The following AQP8 variants were observed in gnomAD, a reference collection of about 807,000 sequenced individuals.
The protein encoded by AQP8 is aquaporin 8, also known as aquaporin-8.
Under a neutral mutation model 26.1 loss-of-function variants are expected in AQP8, and 14 were observed. The ratio of observed to expected loss-of-function variants is 0.54; its 90% CI spans 0.35 to 0.84. The LOEUF is 0.84. Among genes scored for constraint, AQP8 ranks in the 40% least tolerant of loss-of-function variants. AQP8 has a pLI of 0.01. For synonymous variants in AQP8, 131 were observed against 150.7 expected, an observed-to-expected ratio of 0.87 and a Z score of 0.96; for missense variants, 301 against 340.5, an observed-to-expected ratio of 0.88 and a Z score of 0.91.
chr16:25,218,649 G>A (rs1356146332), intron 2 of AQP8, among the ~76,000 whole-genome samples: 2 of 152,238 alleles, frequency 1.3e-5, no homozygotes, highest in African/African-American at 4.8e-5. Flanking sequence ...GGAGGCTGAG[G>A]CGGGTGGATC....
Position 25,226,830 on chromosome 16 carries a change from C to A in AQP8, c.603-238C>A, listed in dbSNP as rs530173469. ...TCACCCAGTAGGCATTTTTGCTGGG[C>A]ATTCTAGAGGAGTGTGTGGGGAGTG... On this transcript the variant is annotated intron_variant, in intron 4 of 5. Transcript: ENST00000219660. Among the ~76,000 whole-genome samples, 6 of 152,276 alleles carry A rather than the reference C, an allele frequency of 3.9e-5. No individual in the cohort carries two copies. In the South Asian group the frequency reaches 1.2e-3, roughly 32 times the overall value.
At position 25,228,529 on chromosome 16, in the gene AQP8, C is replaced by T; in HGVS notation, c.*37C>T. 6.2e-7 allele frequency: 1 copy of T among 1,609,294 alleles called. No homozygotes were observed. The highest frequency in any genetic ancestry group is 1.7e-4 in the Middle Eastern group (1 of 6,012). On this transcript the variant is annotated 3_prime_UTR_variant, in exon 6 of 6. Transcript: ENST00000219660. ...TGGGATTCCTGCTGCTCCAGGTGTC[C>T]TCAGCTCACCTGTCCCAGACTGAGG...
chr16:25,220,561 C>T (rs1169434989), intron 2 of AQP8, among the ~76,000 whole-genome samples: 1 of 152,186 alleles, frequency 6.6e-6, no homozygotes, highest in Non-Finnish European at 1.5e-5. Context: ...TTCCCTTCCA[C>T]ACCCCAAACT....
At chr16:25,225,734 C>A (rs1165305659) in intron 4 of AQP8, among the ~76,000 whole-genome samples, 1 of 151,990 alleles carries the variant, frequency 6.6e-6, no homozygotes, top group African/African-American at 2.4e-5. Flanking sequence ...GACTTCGAAG[C>A]TGGACACAGG....
intron 5 of AQP8, 53 bp from the exon 6 acceptor site, chr16:25,228,391 G>C: frequency 2.5e-6 from 4 of 1,582,416 alleles, no homozygotes; most frequent in Non-Finnish European, 3.5e-6. Flanking sequence ...ACATGACGAA[G>C]GGCTGGGTCT....
intron 4 of AQP8, 96 bp downstream of exon 4, chr16:25,224,672 T>A: frequency 7.7e-7 from 1 of 1,302,822 alleles, no homozygotes; most frequent in Non-Finnish European, 1.1e-6. Context: ...CAGTTGCTAT[T>A]AGGGGCCAGG....
intron 4 of AQP8, 131 bp downstream of exon 4, chr16:25,224,707 G>C (rs1962609622): frequency 1.1e-6 from 1 of 885,798 alleles, no homozygotes; most frequent in East Asian, 2.7e-5. Context: ...GGGGAGGGGG[G>C]CTGGCATCAG....
chr16:25,222,697 G>T (rs1463514810), intron 3 of AQP8, among the ~76,000 whole-genome samples: 1 of 151,698 alleles, frequency 6.6e-6, no homozygotes, highest in African/African-American at 2.4e-5. Context: ...GTGGATGGGG[G>T]AGCTCTGTCA....
At chr16:25,221,152 G>T (rs1460798292) in intron 2 of AQP8, among the ~76,000 whole-genome samples, 1 of 151,782 alleles carries the variant, frequency 6.6e-6, no homozygotes, top group South Asian at 2.1e-4. Flanking sequence ...ATCTCTGAAG[G>T]GCTGGAGGGA....
intron 2 of AQP8, among the ~76,000 whole-genome samples, chr16:25,220,824 G>A (rs1962552157): frequency 6.6e-6 from 1 of 152,202 alleles, no homozygotes; most frequent in Non-Finnish European, 1.5e-5. Flanking sequence ...GCCGACGTGG[G>A]TGGATCGCTT....
intron 5 of AQP8, among the ~76,000 whole-genome samples, chr16:25,227,911 G>A (rs1194771521): frequency 5.9e-5 from 9 of 151,368 alleles, no homozygotes; most frequent in Non-Finnish European, 4.4e-5. Flanking sequence ...CACTGCACCC[G>A]GCTTCATTTA....
chr16:25,220,268 G>A (rs1461533782), intron 2 of AQP8, among the ~76,000 whole-genome samples: 3 of 152,134 alleles, frequency 2.0e-5, no homozygotes, highest in African/African-American at 4.8e-5. Context: ...CATTAGGGGG[G>A]CACTTTGGTT....
At chr16:25,226,941 C>A in intron 4 of AQP8, 127 bp from the exon 5 acceptor site, 1 of 1,390,424 alleles carries the variant, frequency 7.2e-7, no homozygotes, top group Non-Finnish European at 9.9e-7. Flanking sequence ...TACCCAGGAG[C>A]TCATGATGTA....
intron 3 of AQP8, among the ~76,000 whole-genome samples, chr16:25,223,076 C>T (rs774741800): frequency 2.6e-5 from 4 of 152,258 alleles, no homozygotes; most frequent in Admixed American, 6.5e-5. Context: ...TTACCTTGTG[C>T]CAGGCACACC....
intron 3 of AQP8, among the ~76,000 whole-genome samples, chr16:25,222,222 C>T (rs1437003466): frequency 6.6e-6 from 1 of 152,186 alleles, no homozygotes; most frequent in Non-Finnish European, 1.5e-5. Context: ...TGTGTCACCA[C>T]ACCCAACTAA....
chr16:25,221,478 G>A lies in AQP8; in HGVS notation c.282G>A (p.Ala94=), dbSNP rs754887750. Residue 94 remains alanine, a synonymous_variant, in exon 3 of 6, where the codon GCG becomes GCA. Coordinates refer to ENST00000219660, the MANE Select transcript of AQP8 (RefSeq NM_001169.3). The part of the protein sequence containing the change: ...GNISGGHFNP[A]VSLAAMLIGG... ...ACAGTGGTGGACACTTCAACCCTGC[G>A]GTGTCCCTGGCAGCCATGCTGATCG... 11 of 1,614,116 alleles carry A rather than the reference G, an allele frequency of 6.8e-6. No individual in the cohort carries two copies. The highest frequency in any genetic ancestry group is 4.5e-5 in the East Asian group (2 of 44,876).
chr16:25,221,622 G>A (rs1962564008), intron 3 of AQP8, 39 bp downstream of exon 3: 2 of 1,611,820 alleles, frequency 1.2e-6, no homozygotes, highest in South Asian at 1.1e-5. Flanking sequence ...CTTCCTCTCT[G>A]ATGGGGCTGC....
chr16:25,227,616 G>A (rs374201862), intron 5 of AQP8, among the ~76,000 whole-genome samples: 1 of 152,054 alleles, frequency 6.6e-6, no homozygotes, highest in Non-Finnish European at 1.5e-5. Flanking sequence ...AGCCTGCCAA[G>A]CAGCTGGGAC....
chr16:25,218,977 C>G (rs988968763), intron 2 of AQP8, among the ~76,000 whole-genome samples: 1 of 151,442 alleles, frequency 6.6e-6, no homozygotes, highest in Admixed American at 6.6e-5. Flanking sequence ...ATGATCTTCC[C>G]TTTGGACGGA....
Sources: allele counts gnomAD v4.1 joint callset (sites outside exome capture counted in the v4.1 genomes callset), GRCh38; gene constraint gnomAD v4.1.1; transcripts MANE v1.5; gene names NCBI Gene and HGNC (gene_info 2026-07-23, HGNC 2026-07-21).